The following FCHO2 variants were observed in gnomAD, a reference collection of about 807,000 sequenced individuals.
The protein encoded by FCHO2 is FCH and mu domain containing endocytic adaptor 2, also known as F-BAR domain only protein 2.
A neutral mutation model predicts 114.1 loss-of-function variants in FCHO2; 43 were observed. That is an observed-to-expected ratio of 0.38 (90% CI 0.30 to 0.49). The LOEUF is 0.49. Ranked by LOEUF, FCHO2 falls within the 20% of genes least tolerant of loss-of-function variation. The pLI, the probability that FCHO2 is intolerant of heterozygous loss-of-function variation, is 0.97. For missense variants in FCHO2, 807 were observed against 950.4 expected, an observed-to-expected ratio of 0.85 and a Z score of 1.98; for synonymous variants, 293 against 315.2, an observed-to-expected ratio of 0.93 and a Z score of 0.75.
chr5:73,013,727 G>A (rs1341521468), intron 6 of FCHO2, among the ~76,000 whole-genome samples: 1 of 152,150 alleles, frequency 6.6e-6, no homozygotes, highest in Non-Finnish European at 1.5e-5. Context: ...GAGTGCAGAG[G>A]CGCGATCTTG....
chr5:72,998,893 T>C (rs1424765535), intron 5 of FCHO2, among the ~76,000 whole-genome samples: 1 of 151,108 alleles, frequency 6.6e-6, no homozygotes, highest in African/African-American at 2.4e-5. Context: ...GGTGGTATGA[T>C]CATAGCTCAC....
chr5:73,013,433 T>G (rs969244372), intron 6 of FCHO2, among the ~76,000 whole-genome samples: 1 of 152,180 alleles, frequency 6.6e-6, no homozygotes, highest in Non-Finnish European at 1.5e-5. Flanking sequence ...TAGAACTGAT[T>G]TAATTTGGAA....
intron 16 of FCHO2, among the ~76,000 whole-genome samples, chr5:73,058,132 G>A (rs1281868310): frequency 6.6e-6 from 1 of 151,846 alleles, no homozygotes; most frequent in Non-Finnish European, 1.5e-5. Context: ...TTAGCCTCCT[G>A]GATAGCTAGG....
chr5:73,089,725 A>G lies in FCHO2; in HGVS notation c.*1635A>G, dbSNP rs1470600240. On this transcript the variant is annotated 3_prime_UTR_variant, in exon 26 of 26. Transcript: ENST00000430046. ...AATTGTTCCGTTAAGCTTCACAGAA[A>G]ATAAAACCTCTATTACTAGACATTT... 1 of 152,560 alleles carries G rather than the reference A, an allele frequency of 6.6e-6. No individual in the cohort carries two copies. Among genetic ancestry groups the G allele is most frequent in the Non-Finnish European group, 1.5e-5 (1 of 67,940 alleles). The allele number at this position is 152,560 out of a possible 1,614,324, so 9.5% of individuals were successfully genotyped here. A position where few individuals can be genotyped will look rare whatever the true frequency, so the allele number is the denominator to read the frequency against.
At chr5:73,061,641 C>T (rs1004159324) in intron 17 of FCHO2, among the ~76,000 whole-genome samples, 4 of 152,036 alleles carry the variant, frequency 2.6e-5, no homozygotes, top group Non-Finnish European at 4.4e-5. Context: ...TGTAACAGCA[C>T]CACTCGAGAG....
At chr5:73,037,544 C>G (rs62362166) in intron 10 of FCHO2, among the ~76,000 whole-genome samples, 17,258 of 151,786 alleles carry the variant, frequency 0.11, 1,442 homozygotes, top group East Asian at 0.34. Context: ...ACTAAAAATT[C>G]ATCAAAGTCT....
intron 5 of FCHO2, among the ~76,000 whole-genome samples, chr5:73,001,008 T>G (rs1754404465): frequency 6.6e-6 from 1 of 152,200 alleles, no homozygotes; most frequent in Non-Finnish European, 1.5e-5. Context: ...CATTCCTAAC[T>G]AAGCATAATA....
intron 5 of FCHO2, among the ~76,000 whole-genome samples, chr5:73,001,448 CAAAAAAAAAA>C (rs1215202339): frequency 7.6e-5 from 5 of 65,530 alleles, no homozygotes; most frequent in Admixed American, 1.9e-4. Flanking sequence ...GATCCTGTCT[CAAAAAAAAAA>C]AAAAAAAAAA....
At chr5:72,962,341 ACTT>A (rs2112584766) in intron 1 of FCHO2, among the ~76,000 whole-genome samples, 1 of 152,302 alleles carries the variant, frequency 6.6e-6, no homozygotes, top group East Asian at 1.9e-4. Flanking sequence ...TTTCAGAACT[ACTT>A]AAATTATTTA....
At chr5:73,057,297 A>AG (rs1757642564) in intron 16 of FCHO2, among the ~76,000 whole-genome samples, 1 of 152,144 alleles carries the variant, frequency 6.6e-6, no homozygotes, top group Non-Finnish European at 1.5e-5. Flanking sequence ...GATACTTTTG[A>AG]GGTACTAATT....
intron 13 of FCHO2, among the ~76,000 whole-genome samples, chr5:73,053,314 T>C (rs372980471): frequency 7.9e-5 from 12 of 152,328 alleles, no homozygotes; most frequent in African/African-American, 2.9e-4. Flanking sequence ...ATTTTCTTCC[T>C]ACCAAAAATA....
intron 2 of FCHO2, among the ~76,000 whole-genome samples, chr5:72,987,851 A>T (rs1753618843): frequency 6.6e-6 from 1 of 152,132 alleles, no homozygotes; most frequent in South Asian, 2.1e-4. Flanking sequence ...TTTTTGTTAG[A>T]GAGCTGGTTT....
At chr5:73,085,797 T>C (rs111880417) in intron 24 of FCHO2, among the ~76,000 whole-genome samples, 2 of 105,524 alleles carry the variant, frequency 1.9e-5, no homozygotes, top group African/African-American at 6.8e-5. Context: ...AATAAATAAA[T>C]AAATAAATAA....
intron 22 of FCHO2, among the ~76,000 whole-genome samples, chr5:73,079,748 A>G (rs1580210453): frequency 6.6e-6 from 1 of 152,244 alleles, no homozygotes; most frequent in African/African-American, 2.4e-5. Context: ...TTGTGGATGC[A>G]AAACTCATGT....
intron 11 of FCHO2, chr5:73,050,969 T>A (rs1757312682): frequency 4.5e-6 from 1 of 221,444 alleles, no homozygotes; most frequent in Non-Finnish European, 8.7e-6. Context: ...GCAATAAGAA[T>A]ATTTAGCTTG....
chr5:73,063,920 C>G lies in FCHO2; in HGVS notation c.1425C>G (p.Gly475=), dbSNP rs1757953820. Reference sequence around the variant, plus strand: ...CTTCCAGACCAAAGCTTACTTCAGGCAAACTCAGTGGGATTAATGAAATAG... The same window carrying G: ...CTTCCAGACCAAAGCTTACTTCAGGGAAACTCAGTGGGATTAATGAAATAG... ...RPASRPKLTS[G]KLSGINEIPR... The change falls in exon 18 of 26, where the codon GGC becomes GGG. Residue 475 remains glycine, a synonymous_variant. Coordinates refer to ENST00000430046, the MANE Select transcript of FCHO2 (RefSeq NM_138782.3). 6.2e-7 allele frequency: 1 copy of G among 1,611,030 alleles called. No individual in the cohort carries two copies.
At chr5:72,993,384 T>C (rs1212487815) in intron 5 of FCHO2, among the ~76,000 whole-genome samples, 1 of 152,062 alleles carries the variant, frequency 6.6e-6, no homozygotes, top group African/African-American at 2.4e-5. Context: ...CCAACATTCA[T>C]CTAATACTAA....
chr5:73,014,933 C>T (rs927170172), intron 6 of FCHO2, among the ~76,000 whole-genome samples: 3 of 151,566 alleles, frequency 2.0e-5, no homozygotes, highest in Non-Finnish European at 4.4e-5. Flanking sequence ...AAAAATTAGC[C>T]AGCATGGTGG....
chr5:73,068,636 T>A lies in FCHO2; in HGVS notation c.1450-14T>A, dbSNP rs1742480620. 1.2e-6 allele frequency: 2 copies of A among 1,606,964 alleles called. No individual in the cohort carries two copies. Among genetic ancestry groups the A allele is most frequent in the Non-Finnish European group, 1.7e-6 (2 of 1,176,728 alleles). ...TTGTTTTAGCATTTTGATAAATAAC[T>A]TTTTGTTTTTAAGCCCAGGCCATTC... On this transcript the variant is annotated splice_polypyrimidine_tract_variant and intron_variant, in intron 18 of 25. Transcript: ENST00000430046.
Sources: gnomAD v4.1 joint callset for allele counts (sites outside exome capture counted in the v4.1 genomes callset) on GRCh38, gnomAD v4.1.1 for gene constraint, MANE v1.5 for transcripts, NCBI Gene and HGNC (gene_info 2026-07-23, HGNC 2026-07-21) for gene names.